Variants in GRM8 observed in about 807,000 individuals in gnomAD.
The protein encoded by GRM8 is metabotropic glutamate receptor 8.
A neutral mutation model predicts 87.2 loss-of-function variants in GRM8; 47 were observed. That is an observed-to-expected ratio of 0.54 (90% confidence interval 0.43 to 0.69). The LOEUF is 0.69. Among genes scored for constraint, GRM8 ranks in the 30% least tolerant of loss-of-function variants. The probability of loss-of-function intolerance (pLI) is 0.00; values close to 1 mark genes in which losing one functional copy is unlikely to be tolerated. For synonymous variants in GRM8, 396 were observed against 404.5 expected, an observed-to-expected ratio of 0.98 and a Z score of 0.25; for missense variants, 1,019 against 1,139.2, an observed-to-expected ratio of 0.89 and a Z score of 1.52.
At chr7:127,074,765 A>G (rs1822087537) in intron 3 of GRM8, among the ~76,000 whole-genome samples, 2 of 152,148 alleles carry the variant, frequency 1.3e-5, no homozygotes, top group Non-Finnish European at 2.9e-5. Flanking sequence ...TAAAAGCTAG[A>G]CTGATAATAT....
At chr7:126,884,950 A>G (rs1224672824) in intron 6 of GRM8, among the ~76,000 whole-genome samples, 1 of 152,200 alleles carries the variant, frequency 6.6e-6, no homozygotes, top group Non-Finnish European at 1.5e-5. Context: ...CTATTCCTGG[A>G]ATCTTGCTCA....
chr7:126,523,163 A>C (rs185769685), intron 9 of GRM8, among the ~76,000 whole-genome samples: 1 of 152,316 alleles, frequency 6.6e-6, no homozygotes, highest in East Asian at 1.9e-4. Context: ...TCCTGCATCA[A>C]AGATTTTCTT....
chr7:126,934,373 G>C (rs1563330529), intron 3 of GRM8, among the ~76,000 whole-genome samples: 1 of 152,074 alleles, frequency 6.6e-6, no homozygotes, highest in African/African-American at 2.4e-5. Flanking sequence ...TTTAATAATG[G>C]TGTACATGGA....
rs759843582 is a variant in GRM8, at chr7:126,609,439, T to C, written c.1417A>G (p.Ile473Val). 6.2e-7 allele frequency: 1 copy of C among 1,611,882 alleles called. No homozygotes were observed. Among genetic ancestry groups the C allele is most frequent in the East Asian group, 2.2e-5 (1 of 44,848 alleles). Residue 473 changes from isoleucine to valine, a missense_variant, in exon 8 of 11, where the codon ATC (isoleucine) becomes GTC (valine). Coordinates refer to ENST00000339582, the MANE Select transcript of GRM8 (RefSeq NM_000845.3). ...TTGTTGGTTATTTGATACTGGAAGA[T>C]ATCATAACGTCCAGGAGCATCTCCG... ...ENGDAPGRYD[I>V]FQYQITNKST...
Position 126,613,171 on chromosome 7 carries a change from C to T in GRM8, c.1358-3673G>A, listed in dbSNP as rs146288397. Among the ~76,000 whole-genome samples the T allele has an allele frequency of 5.1e-3, 779 of 152,214 alleles. 7 individuals are homozygous for T. The highest frequency in any genetic ancestry group is 0.018 in the African/African-American group (743 of 41,526). Reference sequence around the variant, plus strand: ...ATGTAGAAAGAGCATCGTTGAGTAGCCATAAGGAACTAACTCATTAGCTGT... The same window carrying T: ...ATGTAGAAAGAGCATCGTTGAGTAGTCATAAGGAACTAACTCATTAGCTGT... On this transcript the variant is annotated intron_variant, in intron 7 of 10. Coordinates refer to ENST00000339582, the MANE Select transcript of GRM8 (RefSeq NM_000845.3).
chr7:126,755,543 A>G (rs992459001), intron 7 of GRM8, among the ~76,000 whole-genome samples: 2 of 151,992 alleles, frequency 1.3e-5, no homozygotes, highest in Admixed American at 1.3e-4. Flanking sequence ...ATGTCTCTTT[A>G]GCACTCTAGA....
intron 7 of GRM8, among the ~76,000 whole-genome samples, chr7:126,752,939 C>A (rs1003803390): frequency 6.6e-6 from 1 of 152,064 alleles, no homozygotes; most frequent in African/African-American, 2.4e-5. Context: ...ATATGTGTTA[C>A]TAAACTGCAT....
chr7:126,846,130 T>A (rs988635429), intron 6 of GRM8, among the ~76,000 whole-genome samples: 2 of 152,122 alleles, frequency 1.3e-5, no homozygotes, highest in African/African-American at 2.4e-5. Flanking sequence ...GCACAAGTCA[T>A]ATAGATACTA....
chr7:127,228,627 T>A (rs975231511), intron 2 of GRM8: 1 of 152,300 alleles, frequency 6.6e-6, no homozygotes, highest in Middle Eastern at 3.4e-3. Context: ...GGTTTCATGA[T>A]TCCAGGCATT....
At chr7:126,996,559 C>T (rs1813196889) in intron 3 of GRM8, among the ~76,000 whole-genome samples, 2 of 151,894 alleles carry the variant, frequency 1.3e-5, no homozygotes, top group Admixed American at 1.3e-4. Flanking sequence ...AAAAAACATA[C>T]TTCAACTATA....
intron 2 of GRM8, among the ~76,000 whole-genome samples, chr7:127,189,929 C>T (rs1287521427): frequency 6.6e-6 from 1 of 152,212 alleles, no homozygotes; most frequent in Non-Finnish European, 1.5e-5. Flanking sequence ...TATCTACTTC[C>T]ATAATAGTAC....
chr7:126,999,437 A>G (rs538147687), intron 3 of GRM8, among the ~76,000 whole-genome samples: 1 of 151,992 alleles, frequency 6.6e-6, no homozygotes, highest in East Asian at 1.9e-4. Context: ...GAAACAATCA[A>G]CAAAGTGAAA....
At chr7:126,847,838 G>A (rs908376921) in intron 6 of GRM8, among the ~76,000 whole-genome samples, 1 of 152,156 alleles carries the variant, frequency 6.6e-6, no homozygotes, top group African/African-American at 2.4e-5. Context: ...TATGTTGCAT[G>A]AGGAGAAAAT....
At chr7:126,827,056 T>C (rs990148435) in intron 6 of GRM8, among the ~76,000 whole-genome samples, 8 of 152,188 alleles carry the variant, frequency 5.3e-5, no homozygotes, top group Non-Finnish European at 8.8e-5. Flanking sequence ...GAGGGCTCTG[T>C]TCTGTTCCAT....
chr7:126,804,411 A>T (rs1792439224), intron 6 of GRM8, among the ~76,000 whole-genome samples: 1 of 152,148 alleles, frequency 6.6e-6, no homozygotes, highest in Non-Finnish European at 1.5e-5. Context: ...TCCTTTGTTT[A>T]TTCTTCTGCC....
At chr7:127,144,091 A>G (rs1212928382) in intron 2 of GRM8, among the ~76,000 whole-genome samples, 2 of 152,132 alleles carry the variant, frequency 1.3e-5, no homozygotes, top group African/African-American at 4.8e-5. Flanking sequence ...CAAAATGGGA[A>G]TAATGATAGC....
At chr7:126,456,519 T>TAAAAA (rs513) in intron 9 of GRM8, among the ~76,000 whole-genome samples, 722 of 69,572 alleles carry the variant, frequency 0.01, 38 homozygotes, top group Non-Finnish European at 0.013. Context: ...AGCAGCAAGC[T>TAAAAA]AAAAAAAAAA....
intron 8 of GRM8, among the ~76,000 whole-genome samples, chr7:126,583,728 G>A (rs1247349982): frequency 6.6e-6 from 1 of 151,678 alleles, no homozygotes; most frequent in Non-Finnish European, 1.5e-5. Flanking sequence ...AACTTGAACA[G>A]ATGAGTAACT....
At chr7:127,195,936 A>G (rs1390438439) in intron 2 of GRM8, among the ~76,000 whole-genome samples, 2 of 152,226 alleles carry the variant, frequency 1.3e-5, no homozygotes, top group Non-Finnish European at 2.9e-5. Flanking sequence ...AACTACCAGC[A>G]TTTAATAAAT....
Sources: allele counts gnomAD v4.1 joint callset (sites outside exome capture counted in the v4.1 genomes callset), GRCh38; gene constraint gnomAD v4.1.1; transcripts MANE v1.5; gene names NCBI Gene and HGNC (gene_info 2026-07-23, HGNC 2026-07-21).